Variants in ARFGEF2 observed in about 807,000 individuals in gnomAD.
ARFGEF2 encodes the protein ARF guanine nucleotide exchange factor 2.
ARFGEF2 carries 74 observed loss-of-function variants against 219.9 expected under a neutral mutation model. The ratio of observed to expected loss-of-function variants is 0.34; its 90% CI spans 0.28 to 0.41. ARFGEF2 has a LOEUF of 0.41. Ranked by LOEUF, ARFGEF2 falls within the 10% of genes least tolerant of loss-of-function variation. The pLI is 1.00. For missense variants in ARFGEF2, 1,743 were observed against 2,218.3 expected (o/e 0.79, Z 4.30); for synonymous variants, 733 against 799.2 (o/e 0.92, Z 1.40).
chr20:48,926,468 T>A (rs1310991360), intron 1 of ARFGEF2, among the ~76,000 whole-genome samples: 1 of 152,060 alleles, frequency 6.6e-6, no homozygotes, highest in Non-Finnish European at 1.5e-5. Flanking sequence ...TCTTTTTTTT[T>A]TTTGAGACAG....
chr20:49,004,953 G>A (rs1309601714), intron 25 of ARFGEF2, 117 bp from the exon 26 acceptor site: 8 of 1,119,288 alleles, frequency 7.1e-6, no homozygotes, highest in South Asian at 3.7e-5. Context: ...TTCTCCTTAG[G>A]TGTGTTTTCC....
intron 14 of ARFGEF2, among the ~76,000 whole-genome samples, 181 bp downstream of exon 14, chr20:48,976,380 CAGAG>C (rs1197058731): frequency 1.3e-5 from 2 of 152,158 alleles, no homozygotes; most frequent in Non-Finnish European, 1.5e-5. Flanking sequence ...TCTGTGCACA[CAGAG>C]AGAGAAAACT....
At chr20:48,999,303 C>T in intron 25 of ARFGEF2, 1 of 435,412 alleles carries the variant, frequency 2.3e-6, no homozygotes, top group Non-Finnish European at 4.5e-6. Flanking sequence ...GGTTCTAAAA[C>T]TGACAACTGT....
intron 25 of ARFGEF2, among the ~76,000 whole-genome samples, chr20:49,002,107 G>A (rs2091428633): frequency 6.6e-6 from 1 of 152,096 alleles, no homozygotes; most frequent in Non-Finnish European, 1.5e-5. Context: ...GCGCGGTAGT[G>A]GACGCCTGTA....
At chr20:48,969,352 C>G in intron 9 of ARFGEF2, 75 bp downstream of exon 9, 1 of 1,611,476 alleles carries the variant, frequency 6.2e-7, no homozygotes, top group East Asian at 2.2e-5. Flanking sequence ...TCACACTTCC[C>G]TTGTTCCAAG....
At position 48,994,503 on chromosome 20, in the gene ARFGEF2, T is replaced by G; in HGVS notation, c.3026T>G (p.Val1009Gly). The G allele has an allele frequency of 6.2e-7, 1 of 1,614,046 alleles. No homozygotes were observed. Among genetic ancestry groups the G allele is most frequent in the Non-Finnish European group, 8.5e-7 (1 of 1,180,008 alleles). The change falls in exon 22 of 39, where the codon GTG (valine) becomes GGG (glycine). Residue 1009 changes from valine (V) to glycine (G), a missense_variant. Val to Gly is a moderately radical substitution (Grantham distance 109). Coordinates refer to ENST00000371917, the MANE Select transcript of ARFGEF2 (RefSeq NM_006420.3). The stretch of plus-strand genomic sequence containing the variant: ...CTCGCTCAGCTGATAGGAACCGGTG[T>G]GAAGACGCGCTACCTGTCTGGATCT... Reference protein sequence around the residue: ...LELAQLIGTGVKTRYLSGSGR... With the variant: ...LELAQLIGTGGKTRYLSGSGR...
At chr20:48,999,958 TAGAGGAAAATCTTAAAAAGTA>T in intron 25 of ARFGEF2, among the ~76,000 whole-genome samples, 1 of 152,238 alleles carries the variant, frequency 6.6e-6, no homozygotes, top group Non-Finnish European at 1.5e-5. Flanking sequence ...GTACATTGAA[TAGAGGAAAATCTTAAAAAGTA>T]GTCTACCATT....
At chr20:48,977,035 T>A (rs987072918) in intron 14 of ARFGEF2, among the ~76,000 whole-genome samples, 6 of 152,098 alleles carry the variant, frequency 3.9e-5, no homozygotes, top group Non-Finnish European at 8.8e-5. Context: ...CGTGCAGGTT[T>A]GTTACATAGG....
intron 23 of ARFGEF2, 104 bp from the exon 24 acceptor site, chr20:48,998,089 A>G: frequency 9.7e-7 from 1 of 1,026,840 alleles, no homozygotes; most frequent in Non-Finnish European, 1.5e-6. Flanking sequence ...TGAACTCCTG[A>G]CCTCAAGTGA....
At chr20:48,949,327 C>A (rs73264234) in intron 3 of ARFGEF2, among the ~76,000 whole-genome samples, 3,516 of 152,286 alleles carry the variant, frequency 0.023, 133 homozygotes, top group African/African-American at 0.078. Context: ...TAGACCACCC[C>A]ACTTGCAATC....
At chr20:48,953,935 T>C in intron 6 of ARFGEF2, 145 bp downstream of exon 6, 1 of 880,338 alleles carries the variant, frequency 1.1e-6, no homozygotes, top group Non-Finnish European at 1.8e-6. Flanking sequence ...TGCTTTTCTC[T>C]TAGGGAACAC....
At chr20:48,943,248 G>A (rs2091005318) in intron 3 of ARFGEF2, among the ~76,000 whole-genome samples, 2 of 152,144 alleles carry the variant, frequency 1.3e-5, no homozygotes, top group African/African-American at 4.8e-5. Flanking sequence ...TTACTGCTCT[G>A]TGCATGTCTA....
chr20:48,967,540 G>C (rs945678241), intron 8 of ARFGEF2, among the ~76,000 whole-genome samples: 3 of 152,202 alleles, frequency 2.0e-5, no homozygotes, highest in Non-Finnish European at 4.4e-5. Context: ...TGAGGCTGGA[G>C]GATCGCTTGA....
chr20:49,030,969 G>T (rs893978057), intron 37 of ARFGEF2, among the ~76,000 whole-genome samples: 1 of 152,166 alleles, frequency 6.6e-6, no homozygotes, highest in African/African-American at 2.4e-5. Flanking sequence ...TCCAGCCTGG[G>T]CAACAAGAGC....
At chr20:49,018,189 G>A (rs1183800260) in intron 33 of ARFGEF2, among the ~76,000 whole-genome samples, 1 of 151,998 alleles carries the variant, frequency 6.6e-6, no homozygotes, top group Non-Finnish European at 1.5e-5. Flanking sequence ...AAAAGCATTT[G>A]GGATACAGCA....
chr20:48,947,927 T>C (rs1179618597), intron 3 of ARFGEF2, among the ~76,000 whole-genome samples: 1 of 152,184 alleles, frequency 6.6e-6, no homozygotes, highest in African/African-American at 2.4e-5. Context: ...ACAGGACAAT[T>C]GGAAAAATAT....
intron 3 of ARFGEF2, among the ~76,000 whole-genome samples, chr20:48,942,425 T>C (rs2090998488): frequency 6.6e-6 from 1 of 151,578 alleles, no homozygotes; most frequent in African/African-American, 2.4e-5. Context: ...GCTGGGTTTA[T>C]AGGCATGAGC....
At chr20:48,977,267 G>T (rs891399783) in intron 14 of ARFGEF2, among the ~76,000 whole-genome samples, 6 of 151,972 alleles carry the variant, frequency 3.9e-5, no homozygotes, top group Admixed American at 6.6e-5. Context: ...TCAGAATGAT[G>T]GTTTCCAGCT....
intron 1 of ARFGEF2, among the ~76,000 whole-genome samples, chr20:48,935,780 C>G (rs1324638470): frequency 6.7e-6 from 1 of 148,636 alleles, no homozygotes; most frequent in Admixed American, 6.6e-5. Context: ...GGCTGACCCC[C>G]CCACCTCCCT....
Sources: gnomAD v4.1 joint callset for allele counts (sites outside exome capture counted in the v4.1 genomes callset) on GRCh38, gnomAD v4.1.1 for gene constraint, MANE v1.5 for transcripts, NCBI Gene and HGNC (gene_info 2026-07-23, HGNC 2026-07-21) for gene names.